The following TSC22D2 variants were observed in gnomAD, a reference collection of about 807,000 sequenced individuals.
TSC22D2 encodes TSC22 domain family member 2, also known as TSC22 domain family protein 2.
Under a neutral mutation model 50.1 loss-of-function variants are expected in TSC22D2, and 5 were observed. The ratio of observed to expected loss-of-function variants is 0.10; its 90% CI spans 0.05 to 0.21. The LOEUF (loss-of-function observed/expected upper bound fraction) is 0.21, where lower values mean the gene tolerates loss of function less well. TSC22D2 is among the 10% of genes least tolerant of loss of function. The pLI is 1.00. For synonymous variants in TSC22D2, 501 were observed against 450.1 expected (o/e 1.11, Z -1.43); for missense variants, 1,003 against 1,015.5 (o/e 0.99, Z 0.17).
rs11330414 is a variant in TSC22D2 at position 150,459,572 on chromosome 3, G to GTTTTTTTTTTTTTTTTTTTTTTTTT, written c.*949_*950insTTTTTTTTTTTTTTTTTTTTTTTTT. On this transcript the variant is annotated 3_prime_UTR_variant, in exon 3 of 3. Transcript: ENST00000688009. ...TAATGGAGTTTGGTTTTTTTTTGTTGTTTTTTTTTTTTTGTCTTTTTTTTT... is the reference window on the plus strand; with the variant it reads ...TAATGGAGTTTGGTTTTTTTTTGTTGTTTTTTTTTTTTTTTTTTTTTTTTTTTTTTTTTTTTTTGTCTTTTTTTTT... 8.7e-6 allele frequency: 1 copy of GTTTTTTTTTTTTTTTTTTTTTTTTT among 115,560 alleles called. No individual in the cohort carries two copies. Among genetic ancestry groups the GTTTTTTTTTTTTTTTTTTTTTTTTT allele is most frequent in the Non-Finnish European group, 1.8e-5 (1 of 55,828 alleles). 7.2% of individuals were successfully genotyped at this position (115,560 alleles called of 1,614,324 possible). A position where few individuals can be genotyped will look rare whatever the true frequency, so the allele number is the denominator to read the frequency against.
rs1029643996 is a variant in TSC22D2, at chr3:150,458,897, C to G, written c.*261C>G. The G allele has an allele frequency of 2.1e-5, 8 of 385,440 alleles. No homozygotes were observed. Among genetic ancestry groups the G allele is most frequent in the African/African-American group, 1.4e-4 (7 of 49,174 alleles). The allele number at this position is 385,440 out of a possible 1,614,324, so 23.9% of individuals were successfully genotyped here. A position where few individuals can be genotyped will look rare whatever the true frequency, so the allele number is the denominator to read the frequency against. On this transcript the variant is annotated 3_prime_UTR_variant, in exon 3 of 3. Transcript: ENST00000688009. ...TAAAGCGAGCAAAGTCTGCATTTTA[C>G]CTGGTGCGCATGAGTGGGGTCTTTA...
Position 150,448,874 on chromosome 3 carries a change from TTG to T in TSC22D2, c.1959-8200_1959-8199del, listed in dbSNP as rs199567095. Among the ~76,000 whole-genome samples, 5 of 121,668 alleles carry T rather than the reference TTG, an allele frequency of 4.1e-5. No individual in the cohort carries two copies. In the South Asian group the frequency reaches 1.0e-3, roughly 26 times the overall value. The allele number at this position is 121,668 out of a possible 152,430, so 79.8% of individuals were successfully genotyped here. On this transcript the variant is annotated intron_variant, in intron 1 of 2. Coordinates refer to ENST00000688009, the MANE Select transcript of TSC22D2 (RefSeq NM_001303264.2). ...AAAGAAGATAATGTTAATTTTAATC[TTG>T]TATATATATATATATATATAATTAG...
intron 1 of TSC22D2, 96 bp downstream of exon 1, chr3:150,411,404 T>G (rs941881792): frequency 3.9e-6 from 5 of 1,297,442 alleles, no homozygotes; most frequent in Non-Finnish European, 5.2e-6. Flanking sequence ...ACGGAGGCCC[T>G]TAGCATTTTT....
In TSC22D2 at chr3:150,460,539, G is replaced by A. The variant is rs1462984305; in HGVS notation, c.*1903G>A. On this transcript the variant is annotated 3_prime_UTR_variant, in exon 3 of 3. Transcript: ENST00000688009. Reference sequence around the variant, plus strand: ...TTGCCAAATATTTTCTATTCTAGTTGTGCTGCAAGACATTGAACAAAATGT... The same window carrying A: ...TTGCCAAATATTTTCTATTCTAGTTATGCTGCAAGACATTGAACAAAATGT... 1 of 152,162 alleles carries A rather than the reference G, an allele frequency of 6.6e-6. No homozygotes were observed. The highest frequency in any genetic ancestry group is 6.6e-5 in the Admixed American group (1 of 15,254). The allele number at this position is 152,162 out of a possible 1,614,324, so 9.4% of individuals were successfully genotyped here. A position where few individuals can be genotyped will look rare whatever the true frequency, so the allele number is the denominator to read the frequency against.
rs535038655 is a variant in TSC22D2 at position 150,412,836 on chromosome 3, C to T, written c.1958+1528C>T. The stretch of plus-strand genomic sequence containing the variant: ...AACACAGATTGAGTTTATTTTTTCA[C>T]CTTTGGTAATAATCAACAGGCATCT... On this transcript the variant is annotated intron_variant, in intron 1 of 2. Coordinates refer to ENST00000688009, the MANE Select transcript of TSC22D2 (RefSeq NM_001303264.2). Among the ~76,000 whole-genome samples, 3 of 152,254 alleles carry T rather than the reference C, an allele frequency of 2.0e-5. No individual in the cohort carries two copies. In the South Asian group the frequency reaches 6.2e-4, roughly 32 times the overall value.
intron 1 of TSC22D2, among the ~76,000 whole-genome samples, chr3:150,426,159 A>G (rs1720179215): frequency 6.6e-6 from 1 of 152,112 alleles, no homozygotes; most frequent in African/African-American, 2.4e-5. Flanking sequence ...AAATAATCCA[A>G]CCCTTTCTGC....
intron 1 of TSC22D2, among the ~76,000 whole-genome samples, chr3:150,414,457 T>C (rs1411837519): frequency 6.6e-6 from 1 of 152,196 alleles, no homozygotes; most frequent in African/African-American, 2.4e-5. Flanking sequence ...AGCCAACCAA[T>C]GTGAACTCTG....
At position 150,459,573 on chromosome 3, in the gene TSC22D2, T is replaced by A. The variant is rs1380779782; in HGVS notation, c.*937T>A. The A allele has an allele frequency of 2.4e-5, 1 of 41,476 alleles. No homozygotes were observed. The highest frequency in any genetic ancestry group is 5.6e-5 in the Non-Finnish European group (1 of 17,956). The allele number at this position is 41,476 out of a possible 1,614,324, so 2.6% of individuals were successfully genotyped here. A position where few individuals can be genotyped will look rare whatever the true frequency, so the allele number is the denominator to read the frequency against. On this transcript the variant is annotated 3_prime_UTR_variant, in exon 3 of 3. Coordinates refer to ENST00000688009, the MANE Select transcript of TSC22D2 (RefSeq NM_001303264.2). Reference sequence around the variant, plus strand: ...AATGGAGTTTGGTTTTTTTTTGTTGTTTTTTTTTTTTTGTCTTTTTTTTTT... The same window carrying A: ...AATGGAGTTTGGTTTTTTTTTGTTGATTTTTTTTTTTTGTCTTTTTTTTTT...
At chr3:150,430,276 A>G (rs1576548079) in intron 1 of TSC22D2, among the ~76,000 whole-genome samples, 1 of 152,266 alleles carries the variant, frequency 6.6e-6, no homozygotes, top group East Asian at 1.9e-4. Context: ...CCACTATGGA[A>G]GTACTGGCCT....
At chr3:150,426,040 A>G (rs1345565211) in intron 1 of TSC22D2, among the ~76,000 whole-genome samples, 1 of 152,148 alleles carries the variant, frequency 6.6e-6, no homozygotes, top group Non-Finnish European at 1.5e-5. Context: ...CTTTTTCTGT[A>G]GGTGCCATCA....
rs774707492 is a variant in TSC22D2 at position 150,463,765 on chromosome 3, A to G, written c.*5129A>G. ...CCGAACCCCGCCATGGAATCATCAA[A>G]TAAGAAAAATAAGACAGATTTTCAG... On this transcript the variant is annotated 3_prime_UTR_variant, in exon 3 of 3. Transcript: ENST00000688009. 3.3e-5 allele frequency: 5 copies of G among 152,212 alleles called. No homozygotes were observed. The highest frequency in any genetic ancestry group is 7.3e-5 in the Non-Finnish European group (5 of 68,036). The allele number at this position is 152,212 out of a possible 1,614,324, so 9.4% of individuals were successfully genotyped here. A position where few individuals can be genotyped will look rare whatever the true frequency, so the allele number is the denominator to read the frequency against.
At chr3:150,415,120 T>G (rs906451102) in intron 1 of TSC22D2, among the ~76,000 whole-genome samples, 1 of 152,114 alleles carries the variant, frequency 6.6e-6, no homozygotes, top group African/African-American at 2.4e-5. Flanking sequence ...TACTAAAACA[T>G]ACTTTATTCA....
chr3:150,435,129 C>A (rs1022658313), intron 1 of TSC22D2, among the ~76,000 whole-genome samples: 12 of 152,098 alleles, frequency 7.9e-5, no homozygotes, highest in Non-Finnish European at 1.3e-4. Context: ...GGGCGCCCAC[C>A]ACCATGCCTG....
chr3:150,458,198 G>A (rs1000960920), intron 2 of TSC22D2, among the ~76,000 whole-genome samples, 178 bp from the exon 3 acceptor site: 2 of 151,768 alleles, frequency 1.3e-5, no homozygotes, highest in Non-Finnish European at 2.9e-5. Context: ...TTACTGCTCT[G>A]GTTGGGAACT....
Position 150,410,634 on chromosome 3 carries a change from C to A in TSC22D2, c.1284C>A (p.Gly428=), listed in dbSNP as rs1466701577. Residue 428 remains glycine (G), a synonymous_variant, in exon 1 of 3, where the codon GGC becomes GGA. Coordinates refer to ENST00000688009, the MANE Select transcript of TSC22D2 (RefSeq NM_001303264.2). ...NASSVGAQLM[G]ASSQPSEAMA... ...CCTCGGTGGGCGCGCAGCTCATGGGCGCGTCTTCCCAGCCCAGCGAAGCCA... is the reference window on the plus strand; with the variant it reads ...CCTCGGTGGGCGCGCAGCTCATGGGAGCGTCTTCCCAGCCCAGCGAAGCCA... The A allele has an allele frequency of 4.5e-6, 7 of 1,552,990 alleles. No individual in the cohort carries two copies. The highest frequency in any genetic ancestry group is 6.1e-6 in the Non-Finnish European group (7 of 1,151,682).
At chr3:150,448,634 T>C (rs1720952354) in intron 1 of TSC22D2, among the ~76,000 whole-genome samples, 2 of 152,172 alleles carry the variant, frequency 1.3e-5, no homozygotes, top group African/African-American at 4.8e-5. Context: ...GCTGTGCAAA[T>C]TTTACTTTTG....
Position 150,460,764 on chromosome 3 carries a change from C to T in TSC22D2, c.*2128C>T, listed in dbSNP as rs1269237542. 1 of 126,226 alleles carries T rather than the reference C, an allele frequency of 7.9e-6. No homozygotes were observed. The highest frequency in any genetic ancestry group is 2.1e-4 in the East Asian group (1 of 4,792). The allele number at this position is 126,226 out of a possible 1,614,324, so 7.8% of individuals were successfully genotyped here. A position where few individuals can be genotyped will look rare whatever the true frequency, so the allele number is the denominator to read the frequency against. The stretch of plus-strand genomic sequence containing the variant: ...TAACTGTGACATGTGATATTTAATA[C>T]AGGTGGAGAAAAACTAGTCTTAGAA... On this transcript the variant is annotated 3_prime_UTR_variant, in exon 3 of 3. Coordinates refer to ENST00000688009, the MANE Select transcript of TSC22D2 (RefSeq NM_001303264.2).
At chr3:150,412,769 T>G (rs2108059165) in intron 1 of TSC22D2, among the ~76,000 whole-genome samples, 1 of 152,288 alleles carries the variant, frequency 6.6e-6, no homozygotes, top group African/African-American at 2.4e-5. Flanking sequence ...ATCCCTCTAC[T>G]TTTATAGTTG....
At chr3:150,440,478 T>A (rs1720681033) in intron 1 of TSC22D2, among the ~76,000 whole-genome samples, 1 of 152,044 alleles carries the variant, frequency 6.6e-6, no homozygotes, top group South Asian at 2.1e-4. Flanking sequence ...AAAGTCTTAG[T>A]ACTTATTAGA....
Sources: allele counts gnomAD v4.1 joint callset (sites outside exome capture counted in the v4.1 genomes callset), GRCh38; gene constraint gnomAD v4.1.1; transcripts MANE v1.5; gene names NCBI Gene and HGNC (gene_info 2026-07-23, HGNC 2026-07-21).